The following TET2 variants were observed in gnomAD, a reference collection of about 807,000 sequenced individuals.
TET2 encodes methylcytosine dioxygenase TET2.
Under a neutral mutation model 142.9 loss-of-function variants are expected in TET2, and 299 were observed. That is an observed-to-expected ratio of 2.09 (90% CI 1.90 to 2.30). The LOEUF is 2.30. TET2 is among the 30% of genes most tolerant of loss of function. TET2 has a pLI of 0.00. For missense variants in TET2, 2,418 were observed against 2,378.0 expected (o/e 1.02, Z -0.35); for synonymous variants, 819 against 849.0 (o/e 0.96, Z 0.61).
intron 1 of TET2, among the ~76,000 whole-genome samples, chr4:105,162,138 T>G (rs2110381743): frequency 6.6e-6 from 1 of 152,348 alleles, no homozygotes; most frequent in Admixed American, 6.5e-5. Context: ...AGAAGACAGC[T>G]GAGGCACCAA....
Position 105,234,312 on chromosome 4 carries a change from A to G in TET2, c.370A>G (p.Asn124Asp), listed in dbSNP as rs2110220731. 1 of 1,614,150 alleles carries G rather than the reference A, an allele frequency of 6.2e-7. No homozygotes were observed. The highest frequency in any genetic ancestry group is 8.5e-7 in the Non-Finnish European group (1 of 1,180,022). The change falls in exon 3 of 11, where the codon AAC becomes GAC. Residue 124 changes from asparagine to aspartate, a missense_variant. Coordinates refer to ENST00000380013, the MANE Select transcript of TET2 (RefSeq NM_001127208.3). Reference sequence around the variant, plus strand: ...CCAAAAGGCTAATGGAGAAAGACGTAACTTCGGGGTAAGCCAAGAAAGAAA... The same window carrying G: ...CCAAAAGGCTAATGGAGAAAGACGTGACTTCGGGGTAAGCCAAGAAAGAAA... Reference protein sequence around the residue: ...QDQKANGERRNFGVSQERNPG... With the variant: ...QDQKANGERRDFGVSQERNPG...
intron 9 of TET2, among the ~76,000 whole-genome samples, chr4:105,270,579 A>T (rs6835030): frequency 0.088 from 13,418 of 152,178 alleles, 1,728 homozygotes; most frequent in African/African-American, 0.28. Context: ...ATTGTAAAAG[A>T]TTCACAGTGC....
At chr4:105,211,161 C>G (rs1332926136) in intron 2 of TET2, among the ~76,000 whole-genome samples, 1 of 152,164 alleles carries the variant, frequency 6.6e-6, no homozygotes, top group Non-Finnish European at 1.5e-5. Context: ...AATCATTCTT[C>G]CAGGTCATTC....
intron 2 of TET2, among the ~76,000 whole-genome samples, chr4:105,212,680 T>C (rs1382863835): frequency 6.6e-6 from 1 of 152,188 alleles, no homozygotes; most frequent in Non-Finnish European, 1.5e-5. Context: ...TTTTCTATTT[T>C]TTTCATGATT....
chr4:105,240,251 C>A, intron 3 of TET2: 1 of 743,964 alleles, frequency 1.3e-6, no homozygotes. Flanking sequence ...TGCCACAAAC[C>A]TTCAGTTTGT....
chr4:105,146,474 C>A (rs570238934), upstream of TET2: 2 of 152,640 alleles, frequency 1.3e-5, no homozygotes, highest in Non-Finnish European at 2.9e-5. Flanking sequence ...CGCCACTGCA[C>A]GGCGTGAGGG....
At chr4:105,194,732 C>G (rs1004446256) in intron 2 of TET2, among the ~76,000 whole-genome samples, 3 of 152,136 alleles carry the variant, frequency 2.0e-5, no homozygotes, top group Non-Finnish European at 4.4e-5. Context: ...TTCAATTTTT[C>G]TACTACTTAT....
intron 2 of TET2, among the ~76,000 whole-genome samples, chr4:105,224,580 G>T (rs1002521617): frequency 3.3e-5 from 5 of 152,018 alleles, no homozygotes; most frequent in African/African-American, 4.8e-5. Flanking sequence ...CAAAATGTTA[G>T]CTAGTAGTCA....
intron 6 of TET2, among the ~76,000 whole-genome samples, chr4:105,244,595 T>TG (rs1384895922): frequency 2.6e-5 from 3 of 115,246 alleles, no homozygotes; most frequent in Non-Finnish European, 4.3e-5. Flanking sequence ...TGTTTTTTTT[T>TG]TTTTTTTTTT....
chr4:105,191,818 ACT>A (rs1014034843), intron 2 of TET2, among the ~76,000 whole-genome samples: 6 of 152,092 alleles, frequency 3.9e-5, no homozygotes, highest in African/African-American at 1.4e-4. Flanking sequence ...ATTTTAAGTC[ACT>A]CTGTGAGGGA....
chr4:105,171,456 A>G (rs1245506463), intron 1 of TET2: 1 of 152,240 alleles, frequency 6.6e-6, no homozygotes, highest in Non-Finnish European at 1.5e-5. Flanking sequence ...TGATCATAAT[A>G]ATATGTAATC....
rs756460904 is a variant in TET2 at position 105,235,547 on chromosome 4, C to G, written c.1605C>G (p.Asn535Lys). ...LQDNCQQLMR[N>K]KEQEILKGRD... ...ACAACTGCCAGCAGTTGATGAGAAA[C>G]AAAGAGCAAGAGATTCTGAAGGGTC... Residue 535 changes from asparagine (N) to lysine (K), a missense_variant, in exon 3 of 11, where the codon AAC becomes AAG. By Grantham distance (94) the Asn-to-Lys change is moderately conservative. Transcript: ENST00000380013. The G allele has an allele frequency of 2.5e-6, 4 of 1,614,116 alleles. No individual in the cohort carries two copies. Among genetic ancestry groups the G allele is most frequent in the Non-Finnish European group, 2.5e-6 (3 of 1,180,004 alleles).
rs761016112 is a variant in TET2 at position 105,236,751 on chromosome 4, C to G, written c.2809C>G (p.His937Asp). Residue 937 changes from histidine to aspartate, a missense_variant, in exon 3 of 11, where the codon CAC becomes GAC. His to Asp is a moderately conservative substitution (Grantham distance 81). Coordinates refer to ENST00000380013, the MANE Select transcript of TET2 (RefSeq NM_001127208.3). ...TCCTGTGCCTGACCAGGGAGGAAGT[C>G]ACACTCAGACCCCTCCCCAGAAGGA... ...VFPVPDQGGS[H>D]TQTPPQKDTQ... is the part of the protein sequence containing the mutation. 1 of 1,614,078 alleles carries G rather than the reference C, an allele frequency of 6.2e-7. No homozygotes were observed. The highest frequency in any genetic ancestry group is 8.5e-7 in the Non-Finnish European group (1 of 1,180,004).
chr4:105,156,189 G>A lies in TET2; in HGVS notation c.-193+9210G>A, dbSNP rs542748527. On this transcript the variant is annotated intron_variant, in intron 1 of 10. Transcript: ENST00000380013. ...TTCCAAAAAATGTAAATCTGTTCTC[G>A]CATATTAGGAACATTTTGATTTGTT... Among the ~76,000 whole-genome samples the A allele has an allele frequency of 1.1e-4, 17 of 152,074 alleles. No homozygotes were observed. The East Asian group carries it at 1.5e-3, about 14-fold the overall frequency.
In TET2 at chr4:105,236,180, A is replaced by G. The variant is rs372862373; in HGVS notation, c.2238A>G (p.Gln746=). The G allele has an allele frequency of 7.3e-5, 118 of 1,614,024 alleles. No homozygotes were observed. Among genetic ancestry groups the G allele is most frequent in the Non-Finnish European group, 9.4e-5 (111 of 1,180,020 alleles). The change falls in exon 3 of 11, where the codon CAA becomes CAG. Residue 746 remains glutamine (Q), a synonymous_variant. Transcript: ENST00000380013. ...SHLPQNQQQQ[Q]KLQIKNKEEI... The stretch of plus-strand genomic sequence containing the variant: ...TCCCTCAAAACCAGCAACAGCAGCA[A>G]AAATTACAAATAAAGAATAAAGAGG...
rs34890297 is a variant in TET2 at position 105,233,383 on chromosome 4, C to CAAAAAAAAA, written c.-46-504_-46-496dup. Among the ~76,000 whole-genome samples the CAAAAAAAAA allele has an allele frequency of 7.6e-3, 579 of 76,124 alleles. 103 individuals are homozygous for CAAAAAAAAA. The highest frequency in any genetic ancestry group is 0.013 in the African/African-American group (207 of 16,268). 49.9% of individuals were successfully genotyped at this position (76,124 alleles called of 152,430 possible). The stretch of plus-strand genomic sequence containing the variant: ...TGGGCAAGAGAGTGAGACTCCATCT[C>CAAAAAAAAA]AAAAAAAAAAAAAAAAAAGCTACTG... On this transcript the variant is annotated intron_variant, in intron 2 of 10. Transcript: ENST00000380013.
chr4:105,200,979 A>G (rs1726428825), intron 2 of TET2, among the ~76,000 whole-genome samples: 1 of 152,178 alleles, frequency 6.6e-6, no homozygotes, highest in Non-Finnish European at 1.5e-5. Flanking sequence ...CTTTTAATCA[A>G]AATGAGAAAA....
intron 6 of TET2, among the ~76,000 whole-genome samples, chr4:105,252,617 C>T (rs1490859465): frequency 6.6e-6 from 1 of 152,072 alleles, no homozygotes; most frequent in Admixed American, 6.6e-5. Flanking sequence ...CTTGACAGTG[C>T]CATTTGCAGA....
chr4:105,233,463 C>A (rs1417466307), intron 2 of TET2, among the ~76,000 whole-genome samples: 1 of 149,596 alleles, frequency 6.7e-6, no homozygotes, highest in Non-Finnish European at 1.5e-5. Flanking sequence ...TATGAAGTGG[C>A]AGTCAAGATG....
Sources: gnomAD v4.1 joint callset for allele counts (sites outside exome capture counted in the v4.1 genomes callset) on GRCh38, gnomAD v4.1.1 for gene constraint, MANE v1.5 for transcripts, NCBI Gene and HGNC (gene_info 2026-07-23, HGNC 2026-07-21) for gene names.